UNC13B: variants seen among roughly 807,000 people sequenced by gnomAD.
The protein encoded by UNC13B is protein unc-13 homolog B.
Under a neutral mutation model 211.0 loss-of-function variants are expected in UNC13B, and 144 were observed. The ratio of observed to expected loss-of-function variants is 0.68; its 90% CI spans 0.60 to 0.78. UNC13B has a LOEUF of 0.78. Ranked by LOEUF, UNC13B falls within the 30% of genes least tolerant of loss-of-function variation. The probability of loss-of-function intolerance (pLI) is 0.00; values close to 1 mark genes in which losing one functional copy is unlikely to be tolerated. For synonymous variants in UNC13B, 709 were observed against 725.8 expected, an observed-to-expected ratio of 0.98 and a Z score of 0.37; for missense variants, 1,777 against 2,002.0, an observed-to-expected ratio of 0.89 and a Z score of 2.14.
intron 11 of UNC13B, among the ~76,000 whole-genome samples, chr9:35,328,663 CCTCCCTCCCTT>C (rs1159751398): frequency 2.8e-5 from 3 of 105,906 alleles, no homozygotes; most frequent in African/African-American, 1.6e-4. Context: ...TTCCTTCCTT[CCTCCCTCCCTT>C]CCTTCCCTTC....
chr9:35,315,518 C>A (rs917375095), intron 11 of UNC13B, among the ~76,000 whole-genome samples: 2 of 152,044 alleles, frequency 1.3e-5, no homozygotes, highest in Admixed American at 1.3e-4. Flanking sequence ...TTTTCTGAAT[C>A]ATTTGAGAGA....
At chr9:35,230,530 G>C (rs1343618308) in intron 2 of UNC13B, among the ~76,000 whole-genome samples, 5 of 150,104 alleles carry the variant, frequency 3.3e-5, no homozygotes, top group Non-Finnish European at 7.4e-5. Flanking sequence ...AGGCCAAACT[G>C]AGTAGATCGA....
chr9:35,271,735 CAT>C (rs1250635771), intron 7 of UNC13B, among the ~76,000 whole-genome samples: 3 of 152,216 alleles, frequency 2.0e-5, no homozygotes, highest in African/African-American at 7.2e-5. Context: ...AATTTTTATA[CAT>C]GTCTGCCTTG....
intron 1 of UNC13B, among the ~76,000 whole-genome samples, chr9:35,199,305 G>C (rs537018934): frequency 6.6e-6 from 1 of 152,098 alleles, no homozygotes. Flanking sequence ...ATAAACATAC[G>C]TGTGCCTGTG....
chr9:35,254,984 AT>A (rs1252806657), intron 6 of UNC13B, among the ~76,000 whole-genome samples: 1 of 120,832 alleles, frequency 8.3e-6, no homozygotes, highest in Non-Finnish European at 1.6e-5. Flanking sequence ...ATATTAATAT[AT>A]GTATATATTA....
intron 6 of UNC13B, among the ~76,000 whole-genome samples, chr9:35,253,418 C>CT (rs1318574909): frequency 1.3e-5 from 2 of 151,754 alleles, no homozygotes; most frequent in East Asian, 3.9e-4. Context: ...TTCAAGTTGG[C>CT]TTTTTTCTCT....
At chr9:35,274,309 A>G (rs1828051768) in intron 7 of UNC13B, among the ~76,000 whole-genome samples, 1 of 152,124 alleles carries the variant, frequency 6.6e-6, no homozygotes, top group Non-Finnish European at 1.5e-5. Flanking sequence ...CCTGGCCTCA[A>G]GCTATCCTCT....
intron 11 of UNC13B, among the ~76,000 whole-genome samples, chr9:35,322,883 T>A (rs1830810710): frequency 6.6e-6 from 1 of 152,086 alleles, no homozygotes; most frequent in Non-Finnish European, 1.5e-5. Context: ...CGATCCCTCC[T>A]TTTTCTCACA....
chr9:35,371,349 C>CTTTTTTT (rs751513784), intron 13 of UNC13B, among the ~76,000 whole-genome samples: 9 of 138,830 alleles, frequency 6.5e-5, no homozygotes, highest in East Asian at 6.3e-4. Context: ...TTCTTTCTTT[C>CTTTTTTT]TTTTTTTTTT....
At chr9:35,326,481 G>A (rs1282526063) in intron 11 of UNC13B, among the ~76,000 whole-genome samples, 4 of 152,124 alleles carry the variant, frequency 2.6e-5, no homozygotes, top group African/African-American at 4.8e-5. Context: ...TGAATCCTGG[G>A]CTCAAGCAGT....
intron 6 of UNC13B, among the ~76,000 whole-genome samples, chr9:35,248,253 T>A (rs1826222869): frequency 1.3e-5 from 2 of 152,306 alleles, no homozygotes; most frequent in South Asian, 4.1e-4. Context: ...CTTTTCTTCT[T>A]TATTAGTCTT....
At position 35,170,118 on chromosome 9, in the gene UNC13B, C is replaced by T. The variant is rs151053985; in HGVS notation, c.22+7813C>T. The stretch of plus-strand genomic sequence containing the variant: ...TCTTCCTTGAGTAGGGAAATAACTG[C>T]ACTGTCTTGTTTTAACATTTATTTT... On this transcript the variant is annotated intron_variant, in intron 1 of 39. Coordinates refer to ENST00000635942, the MANE Select transcript of UNC13B (RefSeq NM_001371189.2). 7.6e-4 allele frequency among the ~76,000 whole-genome samples: 116 copies of T among 152,180 alleles called. 1 individual carries two copies. The highest frequency in any genetic ancestry group is 2.7e-3 in the African/African-American group (113 of 41,540).
At chr9:35,368,581 G>T (rs1039678740) in intron 12 of UNC13B, among the ~76,000 whole-genome samples, 7 of 152,164 alleles carry the variant, frequency 4.6e-5, no homozygotes, top group African/African-American at 1.7e-4. Flanking sequence ...ACCCAATAAT[G>T]GGATTGTTGA....
At chr9:35,198,992 T>C (rs1181186597) in intron 1 of UNC13B, among the ~76,000 whole-genome samples, 1 of 152,184 alleles carries the variant, frequency 6.6e-6, no homozygotes. Flanking sequence ...GTATAACTCC[T>C]AATGCTATCC....
chr9:35,402,282 C>CTTTTTTTT (rs1168729927), intron 37 of UNC13B, among the ~76,000 whole-genome samples: 16 of 136,866 alleles, frequency 1.2e-4, no homozygotes, highest in African/African-American at 1.4e-4. Flanking sequence ...TTCTTTTTTT[C>CTTTTTTTT]TTTTTTTTTT....
intron 23 of UNC13B, 112 bp from the exon 24 acceptor site, chr9:35,386,053 A>G (rs1835166444): frequency 6.6e-7 from 1 of 1,522,018 alleles, no homozygotes; most frequent in African/African-American, 1.4e-5. Context: ...GGAAAAGTCT[A>G]GGGACCCAGA....
At chr9:35,314,874 CTTTTTTTTTTTTT>C (rs765803997) in intron 11 of UNC13B, among the ~76,000 whole-genome samples, 7 of 57,760 alleles carry the variant, frequency 1.2e-4, no homozygotes, top group East Asian at 6.3e-4. Flanking sequence ...GATTCCGTAT[CTTTTTTTTTTTTT>C]TTTTTTTTTT....
chr9:35,310,018 A>G (rs1257705729), intron 9 of UNC13B, among the ~76,000 whole-genome samples: 1 of 152,198 alleles, frequency 6.6e-6, no homozygotes, highest in Non-Finnish European at 1.5e-5. Flanking sequence ...GGAAGAAATG[A>G]TGACCTCAAT....
At chr9:35,377,354 G>T in intron 15 of UNC13B, 114 bp from the exon 16 acceptor site, 2 of 1,095,724 alleles carry the variant, frequency 1.8e-6, no homozygotes, top group Non-Finnish European at 2.6e-6. Flanking sequence ...CTGAGAACTA[G>T]CAACCAGGCT....
Sources: gnomAD v4.1 joint callset for allele counts (sites outside exome capture counted in the v4.1 genomes callset) on GRCh38, gnomAD v4.1.1 for gene constraint, MANE v1.5 for transcripts, NCBI Gene and HGNC (gene_info 2026-07-23, HGNC 2026-07-21) for gene names.